NAA25: variants seen among roughly 807,000 people sequenced by gnomAD.
NAA25 encodes the protein N-terminal acetyltransferase B complex subunit NAA25.
In NAA25, 30 loss-of-function variants were observed where a neutral mutation model predicts 132.5. That is an observed-to-expected ratio of 0.23 (90% CI 0.17 to 0.31). The LOEUF is 0.31. NAA25 is among the 10% of genes least tolerant of loss of function. The pLI is 1.00. For synonymous variants in NAA25, 359 were observed against 401.9 expected (o/e 0.89, Z 1.28); for missense variants, 771 against 1,150.4 (o/e 0.67, Z 4.77).
At position 112,043,059 on chromosome 12, in the gene NAA25, G is replaced by C. The variant is rs761843760; in HGVS notation, c.2374+29C>G. The C allele has an allele frequency of 3.9e-6, 6 of 1,552,836 alleles. No homozygotes were observed. The African/African-American group carries it at 5.5e-5, about 14-fold the overall frequency. On this transcript the variant is annotated intron_variant, in intron 19 of 23. Coordinates refer to ENST00000261745, the MANE Select transcript of NAA25 (RefSeq NM_024953.4). ...CGTGTACTACATTTTCTATGACAAA[G>C]ACCCTATAAACACACAGTGTACACT...
At chr12:112,043,307 G>C in intron 18 of NAA25, 96 bp from the exon 19 acceptor site, 4 of 1,328,144 alleles carry the variant, frequency 3.0e-6, no homozygotes, top group Non-Finnish European at 3.0e-6. Context: ...ACCTGTCTCA[G>C]CGGTTCAGCT....
chr12:112,084,779 G>A lies in NAA25; in HGVS notation c.402+2904C>T, dbSNP rs146391140. Among the ~76,000 whole-genome samples the A allele has an allele frequency of 7.6e-3, 1,137 of 149,412 alleles. 22 individuals are homozygous for A. Among genetic ancestry groups the A allele is most frequent in the African/African-American group, 0.026 (1,063 of 40,586 alleles). ...CTGCACTCCAGCCTGGAGACAGAGC[G>A]AGACTCCATATCAAATAAATAAATA... is the stretch of plus-strand genomic sequence containing the variant. On this transcript the variant is annotated intron_variant, in intron 4 of 23. Transcript: ENST00000261745.
chr12:112,074,854 G>T, intron 8 of NAA25, 90 bp from the exon 9 acceptor site: 2 of 922,114 alleles, frequency 2.2e-6, no homozygotes, highest in Non-Finnish European at 1.7e-6. Flanking sequence ...TATTTTGTAA[G>T]TTATATTTTA....
chr12:112,054,107 A>G (rs2078509137), intron 14 of NAA25, among the ~76,000 whole-genome samples: 1 of 152,236 alleles, frequency 6.6e-6, no homozygotes, highest in Non-Finnish European at 1.5e-5. Context: ...GCGGAAATGA[A>G]CACTTCAAAA....
chr12:112,045,390 G>C (rs1225117469), intron 17 of NAA25, among the ~76,000 whole-genome samples: 1 of 151,932 alleles, frequency 6.6e-6, no homozygotes, highest in African/African-American at 2.4e-5. Flanking sequence ...CTGAGGCTAA[G>C]GCAGGAGAAT....
At chr12:112,061,075 T>G (rs2078621992) in intron 12 of NAA25, 106 bp downstream of exon 12, 1 of 813,332 alleles carries the variant, frequency 1.2e-6, no homozygotes, top group African/African-American at 1.7e-5. Flanking sequence ...CAAAATAGTC[T>G]CCTTACAAAA....
At chr12:112,099,295 T>C (rs948364986) in intron 1 of NAA25, among the ~76,000 whole-genome samples, 56 of 151,658 alleles carry the variant, frequency 3.7e-4, no homozygotes, top group African/African-American at 1.3e-3. Context: ...GCCTTTTTTT[T>C]TTTCCAGAAG....
chr12:112,099,500 C>G (rs12582208), intron 1 of NAA25, among the ~76,000 whole-genome samples: 1 of 151,966 alleles, frequency 6.6e-6, no homozygotes, highest in African/African-American at 2.4e-5. Context: ...ACTGATAGCA[C>G]AGATAATACT....
intron 21 of NAA25, 136 bp downstream of exon 21, chr12:112,040,345 C>T: frequency 1.9e-6 from 1 of 526,674 alleles, no homozygotes; most frequent in South Asian, 2.7e-5. Context: ...ATTTAAATTG[C>T]TTTTCAATTA....
chr12:112,104,464 C>T (rs2079334818), intron 1 of NAA25, among the ~76,000 whole-genome samples: 1 of 151,998 alleles, frequency 6.6e-6, no homozygotes, highest in Non-Finnish European at 1.5e-5. Flanking sequence ...GGCTGCATAA[C>T]AAAACAGAGT....
chr12:112,091,368 G>A (rs1436727481), intron 2 of NAA25, among the ~76,000 whole-genome samples: 8 of 151,996 alleles, frequency 5.3e-5, no homozygotes, highest in African/African-American at 1.9e-4. Flanking sequence ...GCAACACAGT[G>A]AGACCTCATC....
Position 112,108,776 on chromosome 12 carries a change from T to A in NAA25, c.-3A>T. 1 of 1,518,366 alleles carries A rather than the reference T, an allele frequency of 6.6e-7. No homozygotes were observed. Among genetic ancestry groups the A allele is most frequent in the Non-Finnish European group, 8.9e-7 (1 of 1,129,292 alleles). The allele number at this position is 1,518,366 out of a possible 1,614,324, so 94.1% of individuals were successfully genotyped here. ...TGCACATGGCCCCGCGTCGCCATGA[T>A]GACAAGCGCAGAACCACAGTGCGCA... On this transcript the variant is annotated 5_prime_UTR_variant, in exon 1 of 24. Coordinates refer to ENST00000261745, the MANE Select transcript of NAA25 (RefSeq NM_024953.4).
chr12:112,048,258 C>T, intron 16 of NAA25, 34 bp downstream of exon 16: 3 of 1,595,960 alleles, frequency 1.9e-6, no homozygotes, highest in Non-Finnish European at 1.7e-6. Flanking sequence ...GATCTAATCC[C>T]TTAGTTCCTT....
rs1382994167 is a variant in NAA25 at position 112,108,738 on chromosome 12, G to A, written c.36C>T (p.Asp12=). ...CACCGTAAATGGGCCGGAGGCGCCT[G>A]TCGTTAGGGTCCTGCACATGGCCCC... is the stretch of plus-strand genomic sequence containing the variant. The part of the protein sequence containing the change: ...ATRGHVQDPN[D]RRLRPIYDYL... Residue 12 remains aspartate, a synonymous_variant, in exon 1 of 24, where the codon GAC becomes GAT. Transcript: ENST00000261745. 2.6e-6 allele frequency: 4 copies of A among 1,530,766 alleles called. No individual in the cohort carries two copies. The highest frequency in any genetic ancestry group is 3.5e-6 in the Non-Finnish European group (4 of 1,136,672). The allele number at this position is 1,530,766 out of a possible 1,614,324, so 94.8% of individuals were successfully genotyped here.
intron 1 of NAA25, among the ~76,000 whole-genome samples, chr12:112,103,951 C>A (rs931334873): frequency 7.2e-5 from 11 of 152,164 alleles, no homozygotes; most frequent in African/African-American, 2.4e-4. Flanking sequence ...TGCTCTCCCC[C>A]ACAACACCCT....
intron 13 of NAA25, among the ~76,000 whole-genome samples, chr12:112,056,972 G>A (rs1211672348): frequency 1.3e-5 from 2 of 151,838 alleles, no homozygotes; most frequent in Non-Finnish European, 2.9e-5. Flanking sequence ...GGCGGATCAC[G>A]AGGTCAGGAG....
At position 112,071,918 on chromosome 12, in the gene NAA25, C is replaced by T. The variant is rs759753817; in HGVS notation, c.1013G>A (p.Gly338Asp). ...ACCCAGTTTGTACTCATCGTTACAA[C>T]CTTGACTTCGTAAACGCCTAATCAG... The part of the protein sequence containing the change: ...LELIRRLRSQ[G>D]CNDEYKLGDP... Residue 338 changes from glycine to aspartate, a missense_variant, in exon 10 of 24, where the codon GGT (glycine) becomes GAT (aspartate). Physicochemically the swap from Gly to Asp is moderately conservative, Grantham distance 94. Around this residue, in one of 3 missense-constraint regions of NAA25, gnomAD observed 417 missense variants for 733.8 expected, o/e 0.57. Coordinates refer to ENST00000261745, the MANE Select transcript of NAA25 (RefSeq NM_024953.4). 40 of 1,613,134 alleles carry T rather than the reference C, an allele frequency of 2.5e-5. No individual in the cohort carries two copies. The South Asian group carries it at 4.2e-4, about 17-fold the overall frequency.
intron 20 of NAA25, 57 bp downstream of exon 20, chr12:112,041,982 G>T: frequency 9.5e-7 from 1 of 1,057,228 alleles, no homozygotes. Context: ...AAAGAACTTC[G>T]AAGCTATTGC....
chr12:112,096,213 G>A (rs1294219874), intron 1 of NAA25, among the ~76,000 whole-genome samples: 1 of 152,146 alleles, frequency 6.6e-6, no homozygotes, highest in Non-Finnish European at 1.5e-5. Context: ...AAAATGAGAA[G>A]TGTTATAAAT....
Sources: gnomAD v4.1 joint callset for allele counts (sites outside exome capture counted in the v4.1 genomes callset) on GRCh38, gnomAD v4.1.1 for gene constraint, gnomAD v4.1.1 regional missense constraint, MANE v1.5 for transcripts, NCBI Gene and HGNC (gene_info 2026-07-23, HGNC 2026-07-21) for gene names.